Variants in CNTN4 observed in about 807,000 individuals in gnomAD.
CNTN4 encodes the protein contactin-4.
Under a neutral mutation model 122.5 loss-of-function variants are expected in CNTN4, and 77 were observed. The ratio of observed to expected loss-of-function variants is 0.63; its 90% CI spans 0.52 to 0.76. The LOEUF (loss-of-function observed/expected upper bound fraction) is 0.76, where lower values mean the gene tolerates loss of function less well. CNTN4 is among the 30% of genes least tolerant of loss of function. The probability of loss-of-function intolerance (pLI) is 0.00; values close to 1 mark genes in which losing one functional copy is unlikely to be tolerated. For synonymous variants in CNTN4, 512 were observed against 447.0 expected (o/e 1.15, Z -1.83); for missense variants, 1,256 against 1,259.1 (o/e 1.00, Z 0.04).
intron 2 of CNTN4, among the ~76,000 whole-genome samples, chr3:2,121,870 C>A (rs2033805853): frequency 6.6e-6 from 1 of 152,000 alleles, no homozygotes; most frequent in South Asian, 2.1e-4. Flanking sequence ...CCATTGTACC[C>A]CCTTTGTATT....
intron 14 of CNTN4, among the ~76,000 whole-genome samples, chr3:3,001,300 G>T (rs1325518533): frequency 6.6e-6 from 1 of 152,166 alleles, no homozygotes; most frequent in Non-Finnish European, 1.5e-5. Flanking sequence ...CAACGCAATA[G>T]GTGTACATCC....
intron 3 of CNTN4, among the ~76,000 whole-genome samples, chr3:2,348,621 A>G (rs541791318): frequency 2.0e-5 from 3 of 152,072 alleles, no homozygotes; most frequent in South Asian, 4.2e-4. Flanking sequence ...TGTTTTACTT[A>G]TATTTTATTC....
chr3:2,465,892 A>C (rs1026841251), intron 3 of CNTN4, among the ~76,000 whole-genome samples: 4 of 152,124 alleles, frequency 2.6e-5, no homozygotes, highest in African/African-American at 9.7e-5. Context: ...GATATGGAAT[A>C]TTTTACCTAA....
chr3:2,981,815 C>T (rs1322311628), intron 13 of CNTN4, among the ~76,000 whole-genome samples: 2 of 152,080 alleles, frequency 1.3e-5, no homozygotes, highest in Admixed American at 6.5e-5. Flanking sequence ...GAGGCTGAGG[C>T]CCTCGGATCA....
At chr3:2,745,038 C>A (rs1362817310) in intron 5 of CNTN4, among the ~76,000 whole-genome samples, 1 of 152,188 alleles carries the variant, frequency 6.6e-6, no homozygotes, top group African/African-American at 2.4e-5. Flanking sequence ...TTGCAGCCAG[C>A]CATTGCAGTC....
intron 11 of CNTN4, among the ~76,000 whole-genome samples, chr3:2,902,274 C>T (rs1308851318): frequency 6.6e-6 from 1 of 152,038 alleles, no homozygotes; most frequent in African/African-American, 2.4e-5. Context: ...TCTCCTGTGC[C>T]ACGTACTAAC....
chr3:2,849,419 T>C lies in CNTN4; in HGVS notation c.455-17333T>C, dbSNP rs146060164. ...ATGATTAAAATGGTAAACTTTTATA[T>C]GTATTTTGCCACACTAATTTTTTTT... On this transcript the variant is annotated intron_variant, in intron 7 of 24. Transcript: ENST00000418658. Among the ~76,000 whole-genome samples, 94 of 152,346 alleles carry C rather than the reference T, an allele frequency of 6.2e-4. 3 individuals are homozygous for C. In the East Asian group the frequency reaches 0.017, roughly 28 times the overall value.
chr3:2,212,088 CTCAGTCCAGAA>C (rs971800252), intron 2 of CNTN4, among the ~76,000 whole-genome samples: 1 of 152,116 alleles, frequency 6.6e-6, no homozygotes, highest in Non-Finnish European at 1.5e-5. Flanking sequence ...ATCCTTCTAC[CTCAGTCCAGAA>C]TAGCTGGGAT....
At chr3:2,631,461 C>T (rs1416954159) in intron 4 of CNTN4, among the ~76,000 whole-genome samples, 1 of 151,892 alleles carries the variant, frequency 6.6e-6, no homozygotes, top group Non-Finnish European at 1.5e-5. Context: ...TAAGAGTTAC[C>T]ATGTACTATA....
chr3:2,376,668 G>A (rs1176300447), intron 3 of CNTN4, among the ~76,000 whole-genome samples: 1 of 144,926 alleles, frequency 6.9e-6, no homozygotes, highest in Non-Finnish European at 1.5e-5. Flanking sequence ...ATAATTTTGT[G>A]GAGTTGGGCA....
At chr3:2,978,727 C>T (rs889477393) in intron 13 of CNTN4, among the ~76,000 whole-genome samples, 5 of 152,258 alleles carry the variant, frequency 3.3e-5, no homozygotes, top group Middle Eastern at 3.4e-3. Context: ...TGGGGGATGC[C>T]TGTCTAACCG....
chr3:3,018,918 T>C (rs1275971239), intron 14 of CNTN4, among the ~76,000 whole-genome samples: 2 of 152,102 alleles, frequency 1.3e-5, no homozygotes, highest in African/African-American at 2.4e-5. Context: ...TAATGAATAA[T>C]AGTAAAATGT....
chr3:2,563,598 ACT>A (rs1158282189), intron 3 of CNTN4, among the ~76,000 whole-genome samples: 1 of 152,150 alleles, frequency 6.6e-6, no homozygotes, highest in African/African-American at 2.4e-5. Flanking sequence ...TGTACTGTAT[ACT>A]CTCACAAATA....
intron 10 of CNTN4, 103 bp downstream of exon 10, chr3:2,887,327 G>T: frequency 9.5e-7 from 1 of 1,057,088 alleles, no homozygotes; most frequent in Non-Finnish European, 1.4e-6. Context: ...AGATGGTGCA[G>T]AATAGGACTG....
chr3:2,264,162 C>T (rs2040948959), intron 2 of CNTN4, among the ~76,000 whole-genome samples: 1 of 152,122 alleles, frequency 6.6e-6, no homozygotes, highest in Non-Finnish European at 1.5e-5. Flanking sequence ...TATGGTAATT[C>T]TATTTGTAGT....
At chr3:2,729,168 G>A (rs368617751) in intron 4 of CNTN4, among the ~76,000 whole-genome samples, 20 of 152,310 alleles carry the variant, frequency 1.3e-4, no homozygotes, top group African/African-American at 2.9e-4. Flanking sequence ...AGGGTCATGC[G>A]GCGAAATGTG....
At chr3:2,763,220 C>G (rs2090679180) in intron 6 of CNTN4, among the ~76,000 whole-genome samples, 1 of 152,214 alleles carries the variant, frequency 6.6e-6, no homozygotes, top group African/African-American at 2.4e-5. Context: ...GCTGGGATTA[C>G]AGGCGTAAGC....
At chr3:2,259,912 CTCT>C (rs150005745) in intron 2 of CNTN4, among the ~76,000 whole-genome samples, 12,420 of 152,144 alleles carry the variant, frequency 0.082, 819 homozygotes, top group African/African-American at 0.18. Flanking sequence ...CCCATTCCCA[CTCT>C]TCTTTGTTGT....
chr3:2,284,902 C>T (rs941398258), intron 2 of CNTN4, among the ~76,000 whole-genome samples: 2 of 150,878 alleles, frequency 1.3e-5, no homozygotes, highest in Non-Finnish European at 3.0e-5. Flanking sequence ...AAACATATAC[C>T]ACAGGGAGAT....
Sources: gnomAD v4.1 joint callset for allele counts (sites outside exome capture counted in the v4.1 genomes callset) on GRCh38, gnomAD v4.1.1 for gene constraint, MANE v1.5 for transcripts, NCBI Gene and HGNC (gene_info 2026-07-23, HGNC 2026-07-21) for gene names.